The following SCMH1 variants were observed in gnomAD, a reference collection of about 807,000 sequenced individuals.
The protein encoded by SCMH1 is polycomb protein SCMH1.
A neutral mutation model predicts 70.8 loss-of-function variants in SCMH1; 37 were observed. That is an observed-to-expected ratio of 0.52 (90% confidence interval 0.40 to 0.69). SCMH1 has a LOEUF of 0.69. SCMH1 is among the 30% of genes least tolerant of loss of function. SCMH1 has a pLI of 0.00. For synonymous variants in SCMH1, 292 were observed against 307.4 expected (o/e 0.95, Z 0.52); for missense variants, 607 against 827.3 (o/e 0.73, Z 3.27).
At chr1:41,204,289 A>C (rs1190221666) in intron 1 of SCMH1, among the ~76,000 whole-genome samples, 1 of 152,204 alleles carries the variant, frequency 6.6e-6, no homozygotes, top group East Asian at 1.9e-4. Context: ...TGTTTGAATT[A>C]CAGGTTCTCA....
chr1:41,070,398 C>T (rs530926444), intron 10 of SCMH1, among the ~76,000 whole-genome samples, 197 bp downstream of exon 10: 2 of 152,278 alleles, frequency 1.3e-5, no homozygotes, highest in South Asian at 4.1e-4. Context: ...TGCATTAGTT[C>T]CCCATCCCTG....
intron 2 of SCMH1, among the ~76,000 whole-genome samples, chr1:41,178,872 G>A (rs1427491987): frequency 1.3e-5 from 2 of 152,174 alleles, no homozygotes; most frequent in East Asian, 1.9e-4. Context: ...GCTCAGCTCT[G>A]CACCAAGCAG....
chr1:41,176,167 TCAAAAAAAAAAC>T, intron 2 of SCMH1, among the ~76,000 whole-genome samples: 1 of 87,954 alleles, frequency 1.1e-5, no homozygotes, highest in Non-Finnish European at 2.1e-5. Flanking sequence ...AAGACTTGTC[TCAAAAAAAAAAC>T]CAAAAAAAAC....
chr1:41,102,327 T>C (rs566868988), intron 8 of SCMH1, among the ~76,000 whole-genome samples: 1 of 152,340 alleles, frequency 6.6e-6, no homozygotes, highest in South Asian at 2.1e-4. Flanking sequence ...TATAGTAATT[T>C]AGAGGATATG....
intron 6 of SCMH1, among the ~76,000 whole-genome samples, chr1:41,125,795 T>G (rs1210961591): frequency 6.6e-6 from 1 of 152,108 alleles, no homozygotes; most frequent in Admixed American, 6.6e-5. Flanking sequence ...CAGGCTGGTC[T>G]CGAACTCCTA....
chr1:41,154,121 T>C (rs376032435), intron 4 of SCMH1, among the ~76,000 whole-genome samples: 4 of 152,186 alleles, frequency 2.6e-5, no homozygotes, highest in Admixed American at 1.3e-4. Context: ...GACCTCCCAA[T>C]AGTAGTTTGC....
chr1:41,032,958 G>A (rs1299582162), intron 13 of SCMH1, among the ~76,000 whole-genome samples: 8 of 146,496 alleles, frequency 5.5e-5, no homozygotes, highest in Non-Finnish European at 8.9e-5. Context: ...CAGCCTGGGC[G>A]ACAGAGTGAG....
At chr1:41,227,088 T>C (rs946543901) in intron 1 of SCMH1, among the ~76,000 whole-genome samples, 8 of 152,240 alleles carry the variant, frequency 5.3e-5, no homozygotes, top group Non-Finnish European at 1.0e-4. Context: ...AATCCTTCAG[T>C]GGCTTTCCAT....
intron 2 of SCMH1, among the ~76,000 whole-genome samples, chr1:41,167,461 G>C (rs1173852011): frequency 6.6e-6 from 1 of 152,130 alleles, no homozygotes; most frequent in Non-Finnish European, 1.5e-5. Flanking sequence ...TCTTCTTTAA[G>C]TGTCTGGTAC....
intron 8 of SCMH1, among the ~76,000 whole-genome samples, chr1:41,081,694 C>T (rs957384409): frequency 1.1e-4 from 16 of 152,098 alleles, no homozygotes; most frequent in African/African-American, 3.6e-4. Flanking sequence ...GTGGTGCACA[C>T]CTGTAGTCCC....
chr1:41,223,451 C>T (rs1052975374), intron 1 of SCMH1, among the ~76,000 whole-genome samples: 9 of 152,034 alleles, frequency 5.9e-5, no homozygotes, highest in Non-Finnish European at 1.3e-4. Flanking sequence ...TTCTGTTTCC[C>T]ACATGGATTA....
At chr1:41,087,511 C>T (rs1662070569) in intron 8 of SCMH1, among the ~76,000 whole-genome samples, 1 of 149,510 alleles carries the variant, frequency 6.7e-6, no homozygotes, top group African/African-American at 2.4e-5. Context: ...AAATGACAAC[C>T]TGTAAAAGAA....
intron 1 of SCMH1, among the ~76,000 whole-genome samples, chr1:41,230,625 T>G (rs1367366826): frequency 6.6e-6 from 1 of 150,552 alleles, no homozygotes; most frequent in Non-Finnish European, 1.5e-5. Context: ...ATCACTGCAC[T>G]CCAGCCTGAG....
chr1:41,104,454 AG>A (rs1667374663), intron 8 of SCMH1, among the ~76,000 whole-genome samples: 2 of 152,220 alleles, frequency 1.3e-5, no homozygotes, highest in South Asian at 4.1e-4. Flanking sequence ...TTCTCATTAA[AG>A]GCACCAAAAA....
At chr1:41,183,398 C>T (rs1465185467) in intron 2 of SCMH1, among the ~76,000 whole-genome samples, 4 of 152,188 alleles carry the variant, frequency 2.6e-5, no homozygotes, top group Non-Finnish European at 5.9e-5. Context: ...ATACTCTTTC[C>T]AAGCTCATAC....
rs1409145001 is a variant in SCMH1 at position 41,237,523 on chromosome 1, T to C, written c.-118+4536A>G. Among the ~76,000 whole-genome samples, 5 of 152,268 alleles carry C rather than the reference T, an allele frequency of 3.3e-5. No homozygotes were observed. The South Asian group carries it at 1.0e-3, about 32-fold the overall frequency. On this transcript the variant is annotated intron_variant, in intron 1 of 14. Transcript: ENST00000337495. ...ATCCAATGTGTGGCTCCCTAATGTA[T>C]CCAGAATCAACTCCAAACTGCATCA...
chr1:41,090,900 G>A (rs1436518599), intron 8 of SCMH1, among the ~76,000 whole-genome samples: 1 of 151,762 alleles, frequency 6.6e-6, no homozygotes, highest in African/African-American at 2.4e-5. Context: ...TTAGCTGGGC[G>A]CAGTGGCGGG....
At chr1:41,127,604 C>T (rs751068073) in intron 6 of SCMH1, among the ~76,000 whole-genome samples, 3 of 152,076 alleles carry the variant, frequency 2.0e-5, no homozygotes, top group Non-Finnish European at 4.4e-5. Context: ...TTTAATATGC[C>T]AACCACTATG....
At chr1:41,237,808 C>G (rs1662693808) in intron 1 of SCMH1, among the ~76,000 whole-genome samples, 1 of 152,194 alleles carries the variant, frequency 6.6e-6, no homozygotes, top group African/African-American at 2.4e-5. Flanking sequence ...CTCCTCTGAA[C>G]TGCTTTACCA....
Sources: allele counts gnomAD v4.1 joint callset (sites outside exome capture counted in the v4.1 genomes callset), GRCh38; gene constraint gnomAD v4.1.1; transcripts MANE v1.5; gene names NCBI Gene and HGNC (gene_info 2026-07-23, HGNC 2026-07-21).